Variants in ZNF831 observed in about 807,000 individuals in gnomAD.
ZNF831 encodes the protein zinc finger protein 831, also known as chromosome 20 open reading frame 174.
Under a neutral mutation model 95.8 loss-of-function variants are expected in ZNF831, and 59 were observed. The ratio of observed to expected loss-of-function variants is 0.62; its 90% CI spans 0.50 to 0.77. The LOEUF (loss-of-function observed/expected upper bound fraction) is 0.77, where lower values mean the gene tolerates loss of function less well. Ranked by LOEUF, ZNF831 falls within the 30% of genes least tolerant of loss-of-function variation. The pLI is 0.00. For missense variants in ZNF831, 2,205 were observed against 2,164.0 expected, an observed-to-expected ratio of 1.02 and a Z score of -0.38; for synonymous variants, 961 against 925.5, an observed-to-expected ratio of 1.04 and a Z score of -0.70.
intron 4 of ZNF831, among the ~76,000 whole-genome samples, chr20:59,237,728 T>C (rs981740973): frequency 2.0e-5 from 3 of 152,156 alleles, no homozygotes; most frequent in South Asian, 2.1e-4. Context: ...GCTCCCCCCA[T>C]GAAGATGTCT....
chr20:59,253,869 C>CCCGGGGTG, intron 5 of ZNF831, 29 bp from the exon 6 acceptor site: 1 of 1,067,576 alleles, frequency 9.4e-7, no homozygotes, highest in African/African-American at 1.9e-5. Flanking sequence ...TCCCCCCCCA[C>CCCGGGGTG]TTTTTTTTTC....
intron 4 of ZNF831, among the ~76,000 whole-genome samples, chr20:59,239,574 G>C (rs1423652058): frequency 3.2e-5 from 4 of 125,714 alleles, no homozygotes; most frequent in Non-Finnish European, 6.3e-5. Flanking sequence ...TTTTGAGATA[G>C]AGTCTCGCTC....
rs778649394 is a variant in ZNF831 at position 59,191,954 on chromosome 20, C to T, written c.935C>T (p.Pro312Leu). 10 of 1,608,434 alleles carry T rather than the reference C, an allele frequency of 6.2e-6. No individual in the cohort carries two copies. The highest frequency in any genetic ancestry group is 1.7e-4 in the Middle Eastern group (1 of 6,042). Residue 312 changes from proline (P) to leucine (L), a missense_variant, in exon 2 of 6, where the codon CCG becomes CTG. Physicochemically the swap from Pro to Leu is moderately conservative, Grantham distance 98. Transcript: ENST00000371030. ...PEQKSPTAGK[P>L]CALQRQQATA... ...CAGAAGTCGCCGACCGCCGGGAAGC[C>T]GTGCGCCCTGCAGCGGCAGCAGGCG...
chr20:59,194,407 C>T lies in ZNF831; in HGVS notation c.3388C>T (p.Pro1130Ser), dbSNP rs1197508165. The part of the protein sequence containing the change: ...VGPDPCSPLQ[P>S]GSFLTALTRP... ...CCCCGACCCGTGTTCCCCCCTCCAGCCTGGCTCCTTCCTCACTGCCCTCAC... is the reference window on the plus strand; with the variant it reads ...CCCCGACCCGTGTTCCCCCCTCCAGTCTGGCTCCTTCCTCACTGCCCTCAC... The change falls in exon 2 of 6, where the codon CCT becomes TCT. Residue 1130 changes from proline (P) to serine (S), a missense_variant. Transcript: ENST00000371030. 6.2e-6 allele frequency: 10 copies of T among 1,610,354 alleles called. No homozygotes were observed. Among genetic ancestry groups the T allele is most frequent in the Admixed American group, 1.7e-5 (1 of 59,760 alleles).
upstream of ZNF831, among the ~76,000 whole-genome samples, chr20:59,161,307 C>A (rs954767464): frequency 6.6e-6 from 1 of 151,848 alleles, no homozygotes; most frequent in Admixed American, 6.6e-5. Flanking sequence ...AGATGGAGTC[C>A]CGCTCTGTAG....
chr20:59,195,389 C>T (rs376989763), intron 2 of ZNF831, among the ~76,000 whole-genome samples: 72 of 152,294 alleles, frequency 4.7e-4, no homozygotes, highest in African/African-American at 1.5e-3. Flanking sequence ...CCACTGAGGA[C>T]GGTCCTGGAG....
chr20:59,133,865 A>G (rs979172071), intron 1 of ZNF831, among the ~76,000 whole-genome samples: 1 of 152,098 alleles, frequency 6.6e-6, no homozygotes, highest in Admixed American at 6.5e-5. Context: ...CATGCTGCTC[A>G]CTCTCAGGTC....
chr20:59,240,587 G>C (rs997708804), intron 4 of ZNF831, among the ~76,000 whole-genome samples: 37 of 151,958 alleles, frequency 2.4e-4, no homozygotes, highest in Non-Finnish European at 8.8e-5. Flanking sequence ...GGATCACGAG[G>C]TCAGGAGATG....
intron 1 of ZNF831, among the ~76,000 whole-genome samples, chr20:59,170,273 G>A (rs1390112681): frequency 6.6e-6 from 1 of 152,126 alleles, no homozygotes; most frequent in East Asian, 1.9e-4. Context: ...TAAACATTTA[G>A]TGCTATAAAT....
In ZNF831 at chr20:59,257,414, T is replaced by A. The variant is rs1407225674; in HGVS notation, c.*2671T>A. 2 of 152,236 alleles carry A rather than the reference T, an allele frequency of 1.3e-5. No individual in the cohort carries two copies. Among genetic ancestry groups the A allele is most frequent in the Non-Finnish European group, 2.9e-5 (2 of 68,032 alleles). The allele number at this position is 152,236 out of a possible 1,614,324, so 9.4% of individuals were successfully genotyped here. A position where few individuals can be genotyped will look rare whatever the true frequency, so the allele number is the denominator to read the frequency against. On this transcript the variant is annotated 3_prime_UTR_variant, in exon 6 of 6. Coordinates refer to ENST00000371030, the MANE Select transcript of ZNF831 (RefSeq NM_178457.3). ...AGCATCCTAAGGTAAAGATTTTTTT[T>A]AAATGAAGAATCTTTTTATAAAGCA...
intron 5 of ZNF831, 132 bp downstream of exon 5, chr20:59,253,270 G>T: frequency 1.0e-6 from 1 of 987,698 alleles, no homozygotes; most frequent in Non-Finnish European, 1.5e-6. Flanking sequence ...GGCACAGAAA[G>T]CCCATTAAGA....
At chr20:59,124,307 A>G (rs1979097301) in intron 1 of ZNF831, among the ~76,000 whole-genome samples, 1 of 152,128 alleles carries the variant, frequency 6.6e-6, no homozygotes, top group African/African-American at 2.4e-5. Flanking sequence ...CTGGCCTCAT[A>G]TTACCATAGG....
intron 4 of ZNF831, among the ~76,000 whole-genome samples, chr20:59,229,843 T>C (rs1390260603): frequency 6.6e-6 from 1 of 152,160 alleles, no homozygotes; most frequent in Non-Finnish European, 1.5e-5. Context: ...GGGGTATGCC[T>C]TTCAAAAGCT....
intron 4 of ZNF831, among the ~76,000 whole-genome samples, chr20:59,215,285 A>T (rs978987960): frequency 3.9e-5 from 6 of 152,218 alleles, no homozygotes; most frequent in African/African-American, 7.2e-5. Context: ...CTAAAATTGG[A>T]ACAGTGAAGA....
In ZNF831 at chr20:59,191,784, T is replaced by C. The variant is rs2146553698; in HGVS notation, c.765T>C (p.Leu255=). 1 of 1,612,244 alleles carries C rather than the reference T, an allele frequency of 6.2e-7. No individual in the cohort carries two copies. The highest frequency in any genetic ancestry group is 8.5e-7 in the Non-Finnish European group (1 of 1,179,412). The part of the protein sequence containing the change: ...PLSPGAHVPL[L]AKNLDVRTEA... ...CTCCGGGTGCCCACGTGCCCCTACT[T>C]GCCAAGAACCTGGATGTGAGGACCG... Residue 255 remains leucine (L), a synonymous_variant, in exon 2 of 6, where the codon CTT becomes CTC. Coordinates refer to ENST00000371030, the MANE Select transcript of ZNF831 (RefSeq NM_178457.3).
At chr20:59,213,679 G>A (rs958731925) in intron 4 of ZNF831, among the ~76,000 whole-genome samples, 1 of 152,168 alleles carries the variant, frequency 6.6e-6, no homozygotes, top group Non-Finnish European at 1.5e-5. Context: ...ACAAGAGCGA[G>A]CATGCCACTT....
In ZNF831 at chr20:59,191,317, C is replaced by A; in HGVS notation, c.298C>A (p.Pro100Thr). The A allele has an allele frequency of 1.3e-6, 2 of 1,598,474 alleles. No homozygotes were observed. Among genetic ancestry groups the A allele is most frequent in the Non-Finnish European group, 8.5e-7 (1 of 1,172,626 alleles). ...ILSPVLQPEG[P>T]GPTQVGKPAA... ...CAGCCCTGTGCTGCAGCCTGAAGGG[C>A]CTGGCCCCACCCAGGTGGGGAAGCC... The change falls in exon 2 of 6, where the codon CCT becomes ACT. Residue 100 changes from proline to threonine, a missense_variant. Physicochemically the swap from Pro to Thr is conservative, Grantham distance 38. Transcript: ENST00000371030.
At chr20:59,130,916 T>G (rs1457233677) in intron 1 of ZNF831, among the ~76,000 whole-genome samples, 1 of 152,124 alleles carries the variant, frequency 6.6e-6, no homozygotes, top group Non-Finnish European at 1.5e-5. Context: ...TGAGCCCCTG[T>G]TTCCTCATCT....
intron 2 of ZNF831, among the ~76,000 whole-genome samples, chr20:59,156,011 C>G (rs1980518625): frequency 6.6e-6 from 1 of 152,028 alleles, no homozygotes; most frequent in African/African-American, 2.4e-5. Flanking sequence ...TGTGTGCTCC[C>G]CCTCATGCTC....
Sources: allele counts gnomAD v4.1 joint callset (sites outside exome capture counted in the v4.1 genomes callset), GRCh38; gene constraint gnomAD v4.1.1; transcripts MANE v1.5; gene names NCBI Gene and HGNC (gene_info 2026-07-23, HGNC 2026-07-21).